Variants in TACC2 observed in about 807,000 individuals in gnomAD.
The protein encoded by TACC2 is transforming acidic coiled-coil-containing protein 2.
TACC2 carries 137 observed loss-of-function variants against 227.3 expected under a neutral mutation model. The observed-to-expected ratio is 0.60, with a 90% CI of 0.52 to 0.69. TACC2 has a LOEUF of 0.69. Among genes scored for constraint, TACC2 ranks in the 30% least tolerant of loss-of-function variants. The pLI is 0.00. For missense variants in TACC2, 3,470 were observed against 3,694.4 expected, an observed-to-expected ratio of 0.94 and a Z score of 1.57; for synonymous variants, 1,523 against 1,487.5, an observed-to-expected ratio of 1.02 and a Z score of -0.55.
chr10:121,999,470 G>A (rs1199548304), intron 1 of TACC2, among the ~76,000 whole-genome samples: 1 of 152,238 alleles, frequency 6.6e-6, no homozygotes, highest in Non-Finnish European at 1.5e-5. Context: ...GATGAGACAA[G>A]CAACGCTTGA....
At chr10:122,078,541 C>T (rs2079097374) in intron 3 of TACC2, among the ~76,000 whole-genome samples, 1 of 152,172 alleles carries the variant, frequency 6.6e-6, no homozygotes, top group Non-Finnish European at 1.5e-5. Context: ...GGCTCTAGTC[C>T]CTGGGCCCTC....
chr10:122,234,185 C>T (rs1176329097), intron 16 of TACC2, among the ~76,000 whole-genome samples: 2 of 152,224 alleles, frequency 1.3e-5, no homozygotes, highest in Non-Finnish European at 2.9e-5. Flanking sequence ...CCCCTCCCCT[C>T]CATGTCTGGC....
Position 122,085,701 on chromosome 10 carries a change from C to T in TACC2, c.3201C>T (p.Ser1067=). The T allele has an allele frequency of 1.2e-6, 2 of 1,613,780 alleles. No individual in the cohort carries two copies. The highest frequency in any genetic ancestry group is 2.2e-5 in the East Asian group (1 of 44,880). The change falls in exon 4 of 23, where the codon AGC becomes AGT. Residue 1067 remains serine, a synonymous_variant. Coordinates refer to ENST00000369005, the MANE Select transcript of TACC2 (RefSeq NM_206862.4). ...VPCLPALAPA[S]PGVTPTQDAP... is the part of the protein sequence containing the mutation. ...GCCTGCCAGCCCTGGCGCCCGCCAG[C>T]CCCGGAGTCACACCCACCCAGGATG... is the stretch of plus-strand genomic sequence containing the variant.
chr10:122,214,942 G>T (rs74159094), intron 9 of TACC2, among the ~76,000 whole-genome samples: 3,738 of 152,072 alleles, frequency 0.025, 175 homozygotes, highest in African/African-American at 0.086. Context: ...CTATTTCTGC[G>T]TGGCCCCCTT....
intron 3 of TACC2, among the ~76,000 whole-genome samples, chr10:122,074,027 AC>A (rs1158725009): frequency 6.7e-6 from 1 of 148,520 alleles, no homozygotes; most frequent in Non-Finnish European, 1.5e-5. Flanking sequence ...TGATCTGCCC[AC>A]CTCGGCCTCC....
At position 122,086,601 on chromosome 10, in the gene TACC2, A is replaced by G. The variant is rs761973358; in HGVS notation, c.4101A>G (p.Ala1367=). The G allele has an allele frequency of 6.3e-7, 1 of 1,597,906 alleles. No individual in the cohort carries two copies. Among genetic ancestry groups the G allele is most frequent in the East Asian group, 2.2e-5 (1 of 44,750 alleles). Residue 1367 remains alanine, a synonymous_variant, in exon 4 of 23, where the codon GCA becomes GCG. Coordinates refer to ENST00000369005, the MANE Select transcript of TACC2 (RefSeq NM_206862.4). ...ASGEGMAGDA[A]GETEGSMERM... is the part of the protein sequence containing the mutation. ...GGGAGGGCATGGCAGGTGATGCAGCAGGAGAGACAGAGGGCAGCATGGAGA... is the reference window on the plus strand; with the variant it reads ...GGGAGGGCATGGCAGGTGATGCAGCGGGAGAGACAGAGGGCAGCATGGAGA...
intron 1 of TACC2, among the ~76,000 whole-genome samples, chr10:122,008,264 A>ATTTTTTTTTTTTTTT (rs71022877): frequency 7.4e-6 from 1 of 134,654 alleles, no homozygotes; most frequent in Non-Finnish European, 1.6e-5. Context: ...TATTATTATT[A>ATTTTTTTTTTTTTTT]TTTTTTTTTT....
chr10:122,122,124 G>A (rs550378053), intron 5 of TACC2, among the ~76,000 whole-genome samples: 2 of 152,372 alleles, frequency 1.3e-5, no homozygotes, highest in African/African-American at 2.4e-5. Context: ...GGGAGGCCGA[G>A]GCGGGTGGAT....
Position 122,166,708 on chromosome 10 carries a change from C to G in TACC2, c.5834+23002C>G, listed in dbSNP as rs74158807. 8.7e-3 allele frequency among the ~76,000 whole-genome samples: 1,319 copies of G among 152,306 alleles called. 19 individuals carry two copies. The highest frequency in any genetic ancestry group is 0.03 in the African/African-American group (1,265 of 41,546). ...TGTAGGCATCTCAAAATTTGAGAAG[C>G]CATGAGCTGGTTCAGTCTTCCCTCC... On this transcript the variant is annotated intron_variant, in intron 7 of 22. Transcript: ENST00000369005.
At position 122,159,072 on chromosome 10, in the gene TACC2, G is replaced by C. The variant is rs555629959; in HGVS notation, c.5834+15366G>C. On this transcript the variant is annotated intron_variant, in intron 7 of 22. Transcript: ENST00000369005. ...GGGATGGGAAGAAAGAAGTCTGGGG[G>C]CTGGCAGGGAGCAGACCCCTCCAGG... Among the ~76,000 whole-genome samples the C allele has an allele frequency of 1.2e-4, 18 of 152,314 alleles. No individual in the cohort carries two copies. The South Asian group carries it at 3.7e-3, about 32-fold the overall frequency.
chr10:122,003,619 T>C (rs1189178377), intron 1 of TACC2, among the ~76,000 whole-genome samples: 3 of 152,084 alleles, frequency 2.0e-5, no homozygotes, highest in Non-Finnish European at 2.9e-5. Context: ...AGTTTATAGT[T>C]TAAACGATAA....
chr10:122,225,923 C>G (rs867545089), intron 12 of TACC2, among the ~76,000 whole-genome samples: 78 of 152,322 alleles, frequency 5.1e-4, no homozygotes, highest in African/African-American at 1.8e-3. Context: ...CCCACAGCCC[C>G]TGTTTCTAGT....
At chr10:122,126,033 T>A (rs904581824) in intron 5 of TACC2, among the ~76,000 whole-genome samples, 1 of 151,924 alleles carries the variant, frequency 6.6e-6, no homozygotes, top group Admixed American at 6.6e-5. Flanking sequence ...CACCTCAGCC[T>A]CCCAAAGTAC....
At position 122,077,840 on chromosome 10, in the gene TACC2, G is replaced by A. The variant is rs887849550; in HGVS notation, c.147-4807G>A. ...TGAACTTCTTCGGGAAAATGTCCTT[G>A]TGTGTACAATGGGGCCACCCTTCTA... On this transcript the variant is annotated intron_variant, in intron 3 of 22. Transcript: ENST00000369005. Among the ~76,000 whole-genome samples, 3 of 152,162 alleles carry A rather than the reference G, an allele frequency of 2.0e-5. No individual in the cohort carries two copies. In the South Asian group the frequency reaches 6.2e-4, roughly 31 times the overall value.
At chr10:122,155,833 A>ATTTTTTTTTTTTT (rs66559186) in intron 7 of TACC2, among the ~76,000 whole-genome samples, 1 of 118,304 alleles carries the variant, frequency 8.5e-6, no homozygotes, top group Non-Finnish European at 1.7e-5. Context: ...TAGTGGGAAA[A>ATTTTTTTTTTTTT]TTTTTTTTTT....
At chr10:122,215,048 C>G (rs935210257) in intron 9 of TACC2, among the ~76,000 whole-genome samples, 2 of 152,108 alleles carry the variant, frequency 1.3e-5, no homozygotes, top group African/African-American at 4.8e-5. Flanking sequence ...TTCAGATACC[C>G]CTGGAAGAAT....
At chr10:122,026,975 T>C (rs545242050) in intron 2 of TACC2, among the ~76,000 whole-genome samples, 2 of 152,350 alleles carry the variant, frequency 1.3e-5, no homozygotes, top group East Asian at 1.9e-4. Context: ...TTTTGGTAGA[T>C]ACCAGCGAGC....
intron 1 of TACC2, among the ~76,000 whole-genome samples, chr10:121,995,141 T>G (rs544381656): frequency 4.5e-4 from 69 of 152,330 alleles, no homozygotes; most frequent in African/African-American, 1.6e-3. Context: ...AAGCTCGTAT[T>G]GTGTTGACCT....
At chr10:122,109,457 G>C (rs953818228) in intron 5 of TACC2, among the ~76,000 whole-genome samples, 1 of 152,098 alleles carries the variant, frequency 6.6e-6, no homozygotes, top group Non-Finnish European at 1.5e-5. Context: ...CATTAACCCG[G>C]TGAGTCTTAT....
Sources: gnomAD v4.1 joint callset for allele counts (sites outside exome capture counted in the v4.1 genomes callset) on GRCh38, gnomAD v4.1.1 for gene constraint, MANE v1.5 for transcripts, NCBI Gene and HGNC (gene_info 2026-07-23, HGNC 2026-07-21) for gene names.